CRACD: variants seen among roughly 807,000 people sequenced by gnomAD.
CRACD encodes the protein capping protein inhibiting regulator of actin dynamics.
A neutral mutation model predicts 106.8 loss-of-function variants in CRACD; 56 were observed. The ratio of observed to expected loss-of-function variants is 0.52; its 90% confidence interval spans 0.42 to 0.66. CRACD has a LOEUF of 0.66. Ranked by LOEUF, CRACD falls within the 30% of genes least tolerant of loss-of-function variation. The probability of loss-of-function intolerance (pLI) is 0.00; values close to 1 mark genes in which losing one functional copy is unlikely to be tolerated. For missense variants in CRACD, 1,730 were observed against 1,623.2 expected (o/e 1.07, Z -1.13); for synonymous variants, 754 against 670.8 (o/e 1.12, Z -1.92).
At chr4:56,259,617 T>G (rs1267721400) in intron 2 of CRACD, among the ~76,000 whole-genome samples, 2 of 152,102 alleles carry the variant, frequency 1.3e-5, no homozygotes, top group East Asian at 1.9e-4. Context: ...GAAATAAGAG[T>G]GGCTCCCTTT....
At chr4:56,233,057 G>A (rs1739739044) in intron 2 of CRACD, among the ~76,000 whole-genome samples, 2 of 151,904 alleles carry the variant, frequency 1.3e-5, no homozygotes, top group Admixed American at 6.6e-5. Context: ...ACATTTTTTT[G>A]TGTGCTTATT....
intron 2 of CRACD, among the ~76,000 whole-genome samples, chr4:56,216,937 G>A (rs967644631): frequency 1.2e-4 from 17 of 140,136 alleles, no homozygotes; most frequent in African/African-American, 3.5e-4. Context: ...CCGAGATTGC[G>A]CCACTGCAGT....
chr4:56,221,978 T>C (rs759398569), intron 2 of CRACD, among the ~76,000 whole-genome samples: 2 of 152,188 alleles, frequency 1.3e-5, no homozygotes, highest in Non-Finnish European at 2.9e-5. Context: ...GAAAACAGTA[T>C]GGAGATTGTT....
chr4:56,067,790 A>G (rs1228131380), intron 1 of CRACD, among the ~76,000 whole-genome samples: 4 of 152,112 alleles, frequency 2.6e-5, no homozygotes, highest in Non-Finnish European at 4.4e-5. Context: ...TGGCCAGACT[A>G]GACCCGAGCT....
chr4:56,301,140 A>G (rs1272951231), intron 4 of CRACD: 2 of 858,812 alleles, frequency 2.3e-6, no homozygotes, highest in African/African-American at 3.6e-5. Flanking sequence ...AATGGGGACC[A>G]TTATCATAGA....
rs1374150553 is a variant in CRACD at position 56,314,877 on chromosome 4, G to A, written c.1375G>A (p.Glu459Lys). The change falls in exon 8 of 11, where the codon GAG (glutamate) becomes AAG (lysine). Residue 459 changes from glutamate (E) to lysine (K), a missense_variant. This residue lies in a region of CRACD where 1,620 missense variants were observed against 1,481.6 expected (regional missense o/e 1.09). Coordinates refer to ENST00000682029, the MANE Select transcript of CRACD (RefSeq NM_001393381.1). This position sits in a 1 kb window ranked among gnomAD's most constrained non-coding sequence, Gnocchi z 4.4. ...GICEEQNPEA[E>K]RRREQQGRSG... is the part of the protein sequence containing the mutation. The stretch of plus-strand genomic sequence containing the variant: ...TTGCGAGGAGCAGAACCCAGAGGCC[G>A]AGCGGCGAAGAGAGCAGCAGGGAAG... 2 of 1,611,396 alleles carry A rather than the reference G, an allele frequency of 1.2e-6. No homozygotes were observed. The highest frequency in any genetic ancestry group is 2.2e-5 in the East Asian group (1 of 44,768).
chr4:56,221,318 T>A (rs1739019370), intron 2 of CRACD, among the ~76,000 whole-genome samples: 1 of 152,192 alleles, frequency 6.6e-6, no homozygotes, highest in Non-Finnish European at 1.5e-5. Context: ...GTGTACATAT[T>A]TGTTATTAAG....
chr4:56,132,529 G>A (rs1734858861), intron 1 of CRACD, among the ~76,000 whole-genome samples: 1 of 152,014 alleles, frequency 6.6e-6, no homozygotes, highest in Non-Finnish European at 1.5e-5. Flanking sequence ...ATTTTTTGTA[G>A]GGTTTCACCA....
At chr4:56,281,330 T>C (rs1743026389) in intron 3 of CRACD, among the ~76,000 whole-genome samples, 1 of 152,106 alleles carries the variant, frequency 6.6e-6, no homozygotes. Context: ...AACAGTTTCA[T>C]CCTGAAACCA....
Position 56,315,873 on chromosome 4 carries a change from T to C in CRACD, c.2371T>C (p.Phe791Leu), listed in dbSNP as rs1344871962. 1 of 1,613,964 alleles carries C rather than the reference T, an allele frequency of 6.2e-7. No homozygotes were observed. The highest frequency in any genetic ancestry group is 8.5e-7 in the Non-Finnish European group (1 of 1,180,006). Residue 791 changes from phenylalanine to leucine, a missense_variant, in exon 8 of 11, where the codon TTT (phenylalanine) becomes CTT (leucine). Physicochemically the swap from Phe to Leu is conservative, Grantham distance 22. Transcript: ENST00000682029. This position sits in a 1 kb window ranked among gnomAD's most constrained non-coding sequence, Gnocchi z 4.1. ...CGCAGACACCACCGAGGGATGCAAA[T>C]TTGCCAAAGACCTCCCGTCTTTCCT... The part of the protein sequence containing the change: ...EPADTTEGCK[F>L]AKDLPSFLVP...
chr4:56,052,235 C>G (rs915349532), intron 1 of CRACD, among the ~76,000 whole-genome samples: 1 of 151,956 alleles, frequency 6.6e-6, no homozygotes, highest in Admixed American at 6.6e-5. Context: ...ACTTTGCCAC[C>G]CAGTATACAG....
chr4:56,267,769 A>C (rs1742111179), intron 2 of CRACD, among the ~76,000 whole-genome samples: 1 of 152,174 alleles, frequency 6.6e-6, no homozygotes. Context: ...ACTTTGTTCC[A>C]TTTTCCAGGG....
At chr4:56,325,980 C>T (rs907683633) in intron 10 of CRACD, among the ~76,000 whole-genome samples, 2 of 152,198 alleles carry the variant, frequency 1.3e-5, no homozygotes, top group Non-Finnish European at 1.5e-5. Flanking sequence ...GGCGCCATCT[C>T]GGCTCACTGC....
intron 2 of CRACD, among the ~76,000 whole-genome samples, chr4:56,261,801 C>T (rs146666179): frequency 6.6e-6 from 1 of 152,118 alleles, no homozygotes; most frequent in Non-Finnish European, 1.5e-5. Flanking sequence ...AAGAAACAGC[C>T]AAAGAGTTGT....
At chr4:56,175,881 C>T (rs1474189694) in intron 1 of CRACD, among the ~76,000 whole-genome samples, 1 of 152,108 alleles carries the variant, frequency 6.6e-6, no homozygotes, top group Non-Finnish European at 1.5e-5. Context: ...AAGCATTTCC[C>T]CAGTGTTTTC....
At chr4:56,066,691 T>C (rs2109791617) in intron 1 of CRACD, among the ~76,000 whole-genome samples, 1 of 152,328 alleles carries the variant, frequency 6.6e-6, no homozygotes, top group East Asian at 1.9e-4. Flanking sequence ...TGTTCTGCTC[T>C]GGCCCTATAT....
At chr4:56,155,138 C>G (rs901483493) in intron 1 of CRACD, among the ~76,000 whole-genome samples, 4 of 152,060 alleles carry the variant, frequency 2.6e-5, no homozygotes, top group African/African-American at 9.7e-5. Context: ...TTCTTGCCCA[C>G]ATTGTACATC....
rs181308558 is a variant in CRACD at position 56,213,315 on chromosome 4, G to A, written c.-189+33885G>A. 5.2e-4 allele frequency among the ~76,000 whole-genome samples: 79 copies of A among 152,194 alleles called. No homozygotes were observed. The East Asian group carries it at 9.9e-3, about 19-fold the overall frequency. Reference sequence around the variant, plus strand: ...TACAAAATTAGCCAGTCGTAGTGGCGTATGCCTGTAATCCCAGCCACTCAG... The same window carrying A: ...TACAAAATTAGCCAGTCGTAGTGGCATATGCCTGTAATCCCAGCCACTCAG... On this transcript the variant is annotated intron_variant, in intron 2 of 10. Transcript: ENST00000682029.
At chr4:56,253,811 C>T (rs1046323450) in intron 2 of CRACD, among the ~76,000 whole-genome samples, 1 of 152,174 alleles carries the variant, frequency 6.6e-6, no homozygotes, top group Non-Finnish European at 1.5e-5. Context: ...ATAGCTAACA[C>T]GTGCATTTCT....
Sources: allele counts gnomAD v4.1 joint callset (sites outside exome capture counted in the v4.1 genomes callset), GRCh38; gene constraint gnomAD v4.1.1; regional missense constraint gnomAD v4.1.1; non-coding constraint Gnocchi (gnomAD v3.1); transcripts MANE v1.5; gene names NCBI Gene and HGNC (gene_info 2026-07-23, HGNC 2026-07-21).